Variants in ZNF185 observed in about 807,000 individuals in gnomAD.
The protein encoded by ZNF185 is zinc finger protein 185 with LIM domain, also known as zinc finger protein 185.
A neutral mutation model predicts 58.6 loss-of-function variants in ZNF185; 56 were observed. That is an observed-to-expected ratio of 0.95 (90% CI 0.77 to 1.19). The LOEUF is 1.19. Ranked by LOEUF, ZNF185 falls within the 50% of genes most tolerant of loss-of-function variation. ZNF185 has a pLI of 0.00. For synonymous variants in ZNF185, 230 were observed against 215.9 expected, an observed-to-expected ratio of 1.07 and a Z score of -0.57; for missense variants, 627 against 573.5, an observed-to-expected ratio of 1.09 and a Z score of -0.95.
At chrX:152,963,314 C>T (rs192682027) in intron 17 of ZNF185, among the ~76,000 whole-genome samples, 7 of 112,962 alleles carry the variant, frequency 6.2e-5, no homozygotes, top group Admixed American at 4.6e-4. Context: ...ACTTCGACAC[C>T]GGTCAGTTTC....
rs188759745 is a variant in ZNF185, at chrX:152,920,047, G to A, written c.531-281G>A. Among the ~76,000 whole-genome samples, 237 of 113,432 alleles carry A rather than the reference G, an allele frequency of 2.1e-3. 2 individuals are homozygous for A. Among genetic ancestry groups the A allele is most frequent in the African/African-American group, 7.0e-3 (218 of 31,307 alleles). On this transcript the variant is annotated intron_variant, in intron 7 of 22. Coordinates refer to ENST00000449285, the Ensembl canonical transcript of ZNF185. The stretch of plus-strand genomic sequence containing the variant: ...TCTGTAAATCACAGAGGATACTAGC[G>A]TCTACTTTCCTGGATTGAGAAGAGC...
At chrX:152,925,872 C>G (rs920489076) in intron 11 of ZNF185, among the ~76,000 whole-genome samples, 27 of 112,553 alleles carry the variant, frequency 2.4e-4, no homozygotes, top group Non-Finnish European at 3.8e-4. Context: ...ACCCTCTCCC[C>G]ACCCCCTGCC....
chrX:152,908,321 G>A, the ZNF185 span, among the ~76,000 whole-genome samples: 1 of 112,971 alleles, frequency 8.9e-6, no homozygotes, highest in Admixed American at 9.3e-5. Flanking sequence ...ACTTTCAAAG[G>A]TGGCTAAGGA....
chrX:152,923,543 G>A (rs781889871), intron 11 of ZNF185, among the ~76,000 whole-genome samples: 14 of 112,356 alleles, frequency 1.2e-4, no homozygotes, highest in Middle Eastern at 4.2e-3. Context: ...TCTTTACAAG[G>A]CAATATCTAG....
upstream of ZNF185, among the ~76,000 whole-genome samples, chrX:152,909,540 C>T (rs1936800337): frequency 8.9e-6 from 1 of 112,305 alleles, no homozygotes; most frequent in South Asian, 3.7e-4. Flanking sequence ...CATCTCTTCC[C>T]TGGGCCCCGT....
chrX:152,934,043 A>G (rs1436211455), intron 14 of ZNF185, among the ~76,000 whole-genome samples: 2 of 112,001 alleles, frequency 1.8e-5, no homozygotes, highest in Non-Finnish European at 3.8e-5. Context: ...AATGGGGAGG[A>G]CTCCGCTAGA....
chrX:152,969,642 A>G (rs1477578316), intron 21 of ZNF185, among the ~76,000 whole-genome samples, 158 bp downstream of exon 23: 1 of 112,390 alleles, frequency 8.9e-6, no homozygotes, highest in Non-Finnish European at 1.9e-5. Context: ...GGCTTTGCAC[A>G]ACTGGGAGCT....
intron 16 of ZNF185, among the ~76,000 whole-genome samples, chrX:152,950,576 T>G (rs1180127306): frequency 1.8e-5 from 2 of 111,929 alleles, no homozygotes; most frequent in African/African-American, 6.5e-5. Context: ...GTTCTGCATT[T>G]TTTTTTTGAT....
At chrX:152,972,822 C>T (rs1482626582) in exon 23 of ZNF185, 1 of 111,666 alleles carries the variant, frequency 9.0e-6, no homozygotes, top group East Asian at 2.8e-4. Context: ...TCTGTAAGTT[C>T]CTTGAAAGGA....
At chrX:152,935,304 C>T (rs983804682) in intron 14 of ZNF185, among the ~76,000 whole-genome samples, 14 of 104,802 alleles carry the variant, frequency 1.3e-4, no homozygotes, top group African/African-American at 4.6e-4. Context: ...GGTGCGATCT[C>T]GGCTCACTGC....
At chrX:152,928,965 A>G (rs782028732) in intron 12 of ZNF185, among the ~76,000 whole-genome samples, 1 of 112,676 alleles carries the variant, frequency 8.9e-6, no homozygotes, top group Non-Finnish European at 1.9e-5. Flanking sequence ...CGACATGAGC[A>G]TGAATGAGGT....
chrX:152,913,404 C>T (rs1471863602), upstream of ZNF185, among the ~76,000 whole-genome samples: 3 of 112,208 alleles, frequency 2.7e-5, no homozygotes, highest in Non-Finnish European at 3.8e-5. Flanking sequence ...AAATGGCCCT[C>T]GAGACCACCA....
At chrX:152,954,955 T>TA (rs1404241154) in intron 16 of ZNF185, among the ~76,000 whole-genome samples, 2 of 109,573 alleles carry the variant, frequency 1.8e-5, no homozygotes, top group African/African-American at 3.3e-5. Context: ...ATTTATAGAT[T>TA]AAAAAAAAGG....
exon 11 of ZNF185, chrX:152,922,762 C>A (rs373182198): frequency 8.3e-7 from 1 of 1,201,117 alleles, no homozygotes; most frequent in East Asian, 3.0e-5. Flanking sequence ...CAATTTGGAT[C>A]GAGTGCCTGC....
chrX:152,967,673 C>T (rs1265003160), intron 20 of ZNF185, among the ~76,000 whole-genome samples: 1 of 112,163 alleles, frequency 8.9e-6, no homozygotes, highest in African/African-American at 3.2e-5. Flanking sequence ...ACACACAAAG[C>T]CAAGAATGCC....
upstream of ZNF185, among the ~76,000 whole-genome samples, chrX:152,913,488 G>A (rs781865474): frequency 1.2e-4 from 14 of 112,775 alleles, 1 homozygote; most frequent in South Asian, 3.3e-3. Flanking sequence ...GTGTGGCACC[G>A]TCTGGGCAGC....
intron 16 of ZNF185, among the ~76,000 whole-genome samples, chrX:152,954,417 C>G (rs1248793067): frequency 8.9e-6 from 1 of 112,119 alleles, no homozygotes; most frequent in African/African-American, 3.2e-5. Context: ...GGGTAAAAAG[C>G]AGACAGCTGT....
chrX:152,913,002 C>T (rs1331372746), upstream of ZNF185, among the ~76,000 whole-genome samples: 2 of 112,892 alleles, frequency 1.8e-5, no homozygotes, highest in African/African-American at 6.4e-5. Flanking sequence ...GCTGTCTGGG[C>T]TGCTCGTTCA....
rs782025880 is a variant in ZNF185 at position 152,949,646 on chromosome X, G to C, written c.1409+4182G>C. On this transcript the variant is annotated intron_variant, in intron 16 of 22. Coordinates refer to ENST00000449285, the Ensembl canonical transcript of ZNF185. ...AGTCTGGGCACACGCCAGGAAGAAAGCCACTAGATGTGCTCTCCTAGTGGA... is the reference window on the plus strand; with the variant it reads ...AGTCTGGGCACACGCCAGGAAGAAACCCACTAGATGTGCTCTCCTAGTGGA... Among the ~76,000 whole-genome samples, 4 of 111,822 alleles carry C rather than the reference G, an allele frequency of 3.6e-5. No individual in the cohort carries two copies. In the South Asian group the frequency reaches 1.5e-3, roughly 41 times the overall value.
Sources: allele counts gnomAD v4.1 joint callset (sites outside exome capture counted in the v4.1 genomes callset), GRCh38; gene constraint gnomAD v4.1.1; transcripts MANE v1.5; gene names NCBI Gene and HGNC (gene_info 2026-07-23, HGNC 2026-07-21).